Variants in LAMA2 observed in about 807,000 individuals in gnomAD.
LAMA2 encodes the protein laminin subunit alpha 2, also known as laminin subunit alpha-2.
Under a neutral mutation model 364.8 loss-of-function variants are expected in LAMA2, and 269 were observed. The observed-to-expected ratio is 0.74, with a 90% confidence interval of 0.67 to 0.82. The LOEUF is 0.82. LAMA2 is among the 40% of genes least tolerant of loss of function. The probability of loss-of-function intolerance (pLI) is 0.00; values close to 1 mark genes in which losing one functional copy is unlikely to be tolerated. For missense variants in LAMA2, 3,807 were observed against 3,873.2 expected (o/e 0.98, Z 0.45); for synonymous variants, 1,379 against 1,370.6 (o/e 1.01, Z -0.14).
intron 8 of LAMA2, among the ~76,000 whole-genome samples, chr6:129,161,267 C>T (rs1361979520): frequency 6.6e-6 from 1 of 151,994 alleles, no homozygotes; most frequent in African/African-American, 2.4e-5. Flanking sequence ...TAACTTTCAA[C>T]CTATCTTTAT....
chr6:129,506,557 A>C (rs1167207617), intron 61 of LAMA2, among the ~76,000 whole-genome samples: 1 of 152,126 alleles, frequency 6.6e-6, no homozygotes, highest in East Asian at 1.9e-4. Context: ...ACAGTTTTGT[A>C]AATCAATATT....
In LAMA2 at chr6:129,315,496, G is replaced by A. The variant is rs1377572718; in HGVS notation, c.3576G>A (p.Gln1192=). 5.0e-6 allele frequency: 8 copies of A among 1,614,080 alleles called. No homozygotes were observed. The South Asian group carries it at 7.7e-5, about 16-fold the overall frequency. The change falls in exon 25 of 65, where the codon CAG becomes CAA. Residue 1192 remains glutamine (Q), a synonymous_variant. Coordinates refer to ENST00000421865, the MANE Select transcript of LAMA2 (RefSeq NM_000426.4). The part of the protein sequence containing the change: ...IRTWVTLKAE[Q]TILPLVDEAL... ...TGCAGGTGACTCTGAAGGCTGAGCAGACCATTCTACCCCTGGTAGATGAGG... is the reference window on the plus strand; with the variant it reads ...TGCAGGTGACTCTGAAGGCTGAGCAAACCATTCTACCCCTGGTAGATGAGG...
intron 4 of LAMA2, among the ~76,000 whole-genome samples, chr6:129,105,866 G>T (rs1775791712): frequency 6.6e-6 from 1 of 152,114 alleles, no homozygotes; most frequent in Admixed American, 6.6e-5. Flanking sequence ...TTTTTCTGTT[G>T]TATGAGACTT....
chr6:129,296,169 A>G (rs1169193689), intron 20 of LAMA2, among the ~76,000 whole-genome samples: 1 of 151,970 alleles, frequency 6.6e-6, no homozygotes, highest in Non-Finnish European at 1.5e-5. Flanking sequence ...TTTTTATAAC[A>G]TTGTACAGTT....
chr6:129,312,252 G>A (rs147742443), intron 22 of LAMA2, among the ~76,000 whole-genome samples: 4 of 151,940 alleles, frequency 2.6e-5, no homozygotes, highest in Middle Eastern at 3.4e-3. Context: ...GAAGAAAAAC[G>A]TTACTAACAG....
At chr6:129,266,386 G>A (rs1787516555) in intron 15 of LAMA2, among the ~76,000 whole-genome samples, 1 of 152,038 alleles carries the variant, frequency 6.6e-6, no homozygotes, top group Non-Finnish European at 1.5e-5. Flanking sequence ...ATAATAAAGT[G>A]TTTCACATTT....
chr6:129,467,308 A>T (rs143327371), intron 51 of LAMA2, among the ~76,000 whole-genome samples: 1 of 151,940 alleles, frequency 6.6e-6, no homozygotes, highest in African/African-American at 2.4e-5. Flanking sequence ...TAAACAATGG[A>T]TACACGAAGA....
chr6:129,433,671 G>A (rs1238703816), intron 41 of LAMA2, among the ~76,000 whole-genome samples: 1 of 152,104 alleles, frequency 6.6e-6, no homozygotes, highest in African/African-American at 2.4e-5. Flanking sequence ...AAATCGTCCC[G>A]ATATTTAGTT....
chr6:129,309,419 A>G (rs1774073295), intron 22 of LAMA2, among the ~76,000 whole-genome samples: 1 of 152,228 alleles, frequency 6.6e-6, no homozygotes, highest in Non-Finnish European at 1.5e-5. Flanking sequence ...GTCTATTTGT[A>G]CTGTCAACAA....
chr6:129,453,931 C>A (rs1583789118), intron 46 of LAMA2, among the ~76,000 whole-genome samples: 1 of 142,484 alleles, frequency 7.0e-6, no homozygotes, highest in African/African-American at 2.6e-5. Flanking sequence ...ACAAACATGC[C>A]TGAGCATTAT....
chr6:129,226,427 C>G (rs890861860), intron 12 of LAMA2, among the ~76,000 whole-genome samples: 1 of 152,128 alleles, frequency 6.6e-6, no homozygotes. Context: ...TTCCTAGCAT[C>G]GATGGTCTTT....
At chr6:129,263,332 T>C (rs1787270113) in intron 15 of LAMA2, among the ~76,000 whole-genome samples, 1 of 152,108 alleles carries the variant, frequency 6.6e-6, no homozygotes, top group African/African-American at 2.4e-5. Context: ...ACAAATTCTA[T>C]GAAGGAAATA....
chr6:128,967,049 C>G (rs528518866), intron 1 of LAMA2, among the ~76,000 whole-genome samples: 1 of 152,266 alleles, frequency 6.6e-6, no homozygotes, highest in East Asian at 1.9e-4. Context: ...GTTAGAAAAG[C>G]TTATGTAAAC....
chr6:129,308,645 A>C (rs187108489), intron 22 of LAMA2, among the ~76,000 whole-genome samples: 10 of 152,350 alleles, frequency 6.6e-5, no homozygotes, highest in Admixed American at 6.5e-4. Flanking sequence ...TACAAAAAAA[A>C]ACAAAACTCA....
At chr6:129,341,184 G>C (rs1013432819) in intron 29 of LAMA2, among the ~76,000 whole-genome samples, 8 of 152,178 alleles carry the variant, frequency 5.3e-5, no homozygotes, top group African/African-American at 1.9e-4. Flanking sequence ...GAAGACACAT[G>C]AAACATAAAT....
intron 32 of LAMA2, among the ~76,000 whole-genome samples, chr6:129,358,818 G>T (rs9483013): frequency 1.3e-5 from 2 of 151,920 alleles, no homozygotes; most frequent in African/African-American, 4.8e-5. Flanking sequence ...TTTGTGCAAC[G>T]CATCAGTTTC....
intron 40 of LAMA2, among the ~76,000 whole-genome samples, chr6:129,410,237 T>TC (rs1780460619): frequency 6.6e-6 from 1 of 152,106 alleles, no homozygotes; most frequent in South Asian, 2.1e-4. Flanking sequence ...TTCCTCCCTT[T>TC]CTCCCTTTCT....
Position 128,883,184 on chromosome 6 carries a change from G to C in LAMA2, c.-62G>C. ...TCGCTCAGCTCACAAGCCAAGGCCA[G>C]GGGACAGGGCGGCAGCGACTCCTCT... On this transcript the variant is annotated 5_prime_UTR_variant, in exon 1 of 65. Transcript: ENST00000421865. The C allele has an allele frequency of 6.8e-7, 1 of 1,473,922 alleles. No homozygotes were observed. Among genetic ancestry groups the C allele is most frequent in the Middle Eastern group, 1.9e-4 (1 of 5,386 alleles). The allele number at this position is 1,473,922 out of a possible 1,614,324, so 91.3% of individuals were successfully genotyped here.
In LAMA2 at chr6:129,431,502, C is replaced by A. The variant is rs78965812; in HGVS notation, c.5968+3648C>A. ...CTATGACAGCTCATTTTAAAGGAGGCGGTTTGTCTCATAGCACTGTAGCCT... is the reference window on the plus strand; with the variant it reads ...CTATGACAGCTCATTTTAAAGGAGGAGGTTTGTCTCATAGCACTGTAGCCT... On this transcript the variant is annotated intron_variant, in intron 41 of 64. Coordinates refer to ENST00000421865, the MANE Select transcript of LAMA2 (RefSeq NM_000426.4). Among the ~76,000 whole-genome samples the A allele has an allele frequency of 3.3e-3, 501 of 151,794 alleles. 6 individuals carry two copies. Among genetic ancestry groups the A allele is most frequent in the African/African-American group, 0.012 (483 of 41,378 alleles).
Sources: gnomAD v4.1 joint callset for allele counts (sites outside exome capture counted in the v4.1 genomes callset) on GRCh38, gnomAD v4.1.1 for gene constraint, MANE v1.5 for transcripts, NCBI Gene and HGNC (gene_info 2026-07-23, HGNC 2026-07-21) for gene names.